MFRP: variants seen among roughly 807,000 people sequenced by gnomAD.
The protein encoded by MFRP is C1q and TNF related 5.
Under a neutral mutation model 65.8 loss-of-function variants are expected in MFRP, and 74 were observed. The observed-to-expected ratio is 1.12, with a 90% CI of 0.93 to 1.36. The LOEUF (loss-of-function observed/expected upper bound fraction) is 1.36, where lower values mean the gene tolerates loss of function less well. Ranked by LOEUF, MFRP falls within the 40% of genes most tolerant of loss-of-function variation. MFRP has a pLI of 0.00. For missense variants in MFRP, 838 were observed against 736.0 expected, an observed-to-expected ratio of 1.14 and a Z score of -1.60; for synonymous variants, 336 against 288.3, an observed-to-expected ratio of 1.17 and a Z score of -1.68.
intron 4 of MFRP, 69 bp from the exon 5 acceptor site, chr11:119,345,702 C>T: frequency 6.2e-7 from 1 of 1,612,430 alleles, no homozygotes; most frequent in South Asian, 1.1e-5. Flanking sequence ...GGTGCCTCTT[C>T]CTCACCCTCC....
rs1230442704 is a variant in MFRP at position 119,346,455 on chromosome 11, C to T, written c.54+5G>A. 2.5e-6 allele frequency: 4 copies of T among 1,614,012 alleles called. No individual in the cohort carries two copies. The highest frequency in any genetic ancestry group is 1.1e-5 in the South Asian group (1 of 91,084). ...CTTAGGAGCACGATTCTATGTGGTCCTTACCTTGCTCGATTCTGTTGCCTC... is the reference window on the plus strand; with the variant it reads ...CTTAGGAGCACGATTCTATGTGGTCTTTACCTTGCTCGATTCTGTTGCCTC... On this transcript the variant is annotated splice_donor_5th_base_variant and intron_variant, in intron 1 of 14. Coordinates refer to ENST00000619721, the MANE Select transcript of MFRP (RefSeq NM_031433.4).
At chr11:119,340,489 C>A (rs1950491638) in intron 13 of MFRP, 49 bp from the exon 14 acceptor site, 3 of 1,353,058 alleles carry the variant, frequency 2.2e-6, no homozygotes, top group African/African-American at 1.5e-5. Context: ...CTGGGACCTG[C>A]CTCTCTCCCC....
chr11:119,342,475 G>C, intron 11 of MFRP, 121 bp downstream of exon 11: 1 of 1,334,158 alleles, frequency 7.5e-7, no homozygotes, highest in Non-Finnish European at 1.0e-6. Context: ...AGTCAGGATG[G>C]TGAGGCCAGC....
At position 119,340,374 on chromosome 11, in the gene MFRP, C is replaced by T; in HGVS notation, c.*920G>A. On this transcript the variant is annotated 3_prime_UTR_variant, in exon 14 of 15. Transcript: ENST00000619721. ...GCGAGCCGGCCGCCAGGCCCAGGAG[C>T]AGCAGGACGAGGAGTGGCCTCATAG... is the stretch of plus-strand genomic sequence containing the variant. The T allele has an allele frequency of 1.3e-6, 2 of 1,545,048 alleles. No homozygotes were observed. The highest frequency in any genetic ancestry group is 1.7e-6 in the Non-Finnish European group (2 of 1,145,918).
rs898705424 is a variant in MFRP at position 119,344,042 on chromosome 11, C to T, written c.976-78G>A. 7 of 1,583,102 alleles carry T rather than the reference C, an allele frequency of 4.4e-6. No homozygotes were observed. In the Admixed American group the frequency reaches 6.7e-5, roughly 15 times the overall value. On this transcript the variant is annotated intron_variant, in intron 8 of 14. Transcript: ENST00000619721. ...CGGGCACCCAGAAGGGTCTTCTTCC[C>T]CCACTGCTGGCTGGGGGGATGGGGT...
chr11:119,340,429 T>A lies in MFRP; in HGVS notation c.*865A>T, dbSNP rs752870533. The A allele has an allele frequency of 1.6e-5, 25 of 1,536,104 alleles. No individual in the cohort carries two copies. The East Asian group carries it at 5.2e-4, about 32-fold the overall frequency. On this transcript the variant is annotated 3_prime_UTR_variant, in exon 14 of 15. Transcript: ENST00000619721. ...GGCACCGGGAGCCCGGACGCCGGGG[T>A]CCTCTCGCAGTCTGTGGACCAGGCA...
Position 119,341,277 on chromosome 11 carries a change from G to T in MFRP, c.*271C>A. Reference sequence around the variant, plus strand: ...AGAAGCTGAAAAAGCAGATGGAAAGGGGAAGAGGCCTGGATGGGAAGTGGT... The same window carrying T: ...AGAAGCTGAAAAAGCAGATGGAAAGTGGAAGAGGCCTGGATGGGAAGTGGT... On this transcript the variant is annotated 3_prime_UTR_variant, in exon 13 of 15. Coordinates refer to ENST00000619721, the MANE Select transcript of MFRP (RefSeq NM_031433.4). 1 of 520,916 alleles carries T rather than the reference G, an allele frequency of 1.9e-6. No individual in the cohort carries two copies. The highest frequency in any genetic ancestry group is 2.5e-5 in the South Asian group (1 of 39,534). 32.3% of individuals were successfully genotyped at this position (520,916 alleles called of 1,614,324 possible).
At chr11:119,344,438 C>G in intron 7 of MFRP, 47 bp from the exon 8 acceptor site, 1 of 1,586,900 alleles carries the variant, frequency 6.3e-7, no homozygotes, top group Non-Finnish European at 8.6e-7. Context: ...ATCTGTGCCT[C>G]CATCCAATAG....
At position 119,343,981 on chromosome 11, in the gene MFRP, G is replaced by C; in HGVS notation, c.976-17C>G. The C allele has an allele frequency of 6.2e-7, 1 of 1,610,978 alleles. No homozygotes were observed. The highest frequency in any genetic ancestry group is 8.5e-7 in the Non-Finnish European group (1 of 1,179,914). On this transcript the variant is annotated splice_polypyrimidine_tract_variant and intron_variant, in intron 8 of 14. Coordinates refer to ENST00000619721, the MANE Select transcript of MFRP (RefSeq NM_031433.4). ...GGTGCAGAGCTGGGGGAGGGCATAG[G>C]TGGAGCAATTCATGGCCCCTTCTCC...
In MFRP at chr11:119,342,617, C is replaced by G. The variant is rs369531002; in HGVS notation, c.1366G>C (p.Gly456Arg). The G allele has an allele frequency of 1.2e-6, 2 of 1,613,286 alleles. No homozygotes were observed. Among genetic ancestry groups the G allele is most frequent in the African/African-American group, 2.7e-5 (2 of 74,870 alleles). Residue 456 changes from glycine to arginine, a missense_variant, in exon 11 of 15, where the codon GGC (glycine) becomes CGC (arginine). Physicochemically the swap from Gly to Arg is moderately radical, Grantham distance 125. Coordinates refer to ENST00000619721, the MANE Select transcript of MFRP (RefSeq NM_031433.4). ...TCACCTGGGGGTGGGAACAAGGGGC[C>G]GCTGCAGTTGTCATCGCTGCCATCG... The part of the protein sequence containing the change: ...CTDGSDDNCS[G>R]PLFPPPELAC...
At position 119,341,377 on chromosome 11, in the gene MFRP, G is replaced by GATCTC; in HGVS notation, c.*170_*171insGAGAT. The GATCTC allele has an allele frequency of 1.1e-5, 7 of 617,334 alleles. No individual in the cohort carries two copies. Among genetic ancestry groups the GATCTC allele is most frequent in the South Asian group, 5.9e-5 (3 of 50,982 alleles). 38.2% of individuals were successfully genotyped at this position (617,334 alleles called of 1,614,324 possible). A position where few individuals can be genotyped will look rare whatever the true frequency, so the allele number is the denominator to read the frequency against. On this transcript the variant is annotated 3_prime_UTR_variant, in exon 13 of 15. Transcript: ENST00000619721. ...GTAAAGGGACAGGAAGGAGCAGGGAGGGTGGTAGGGTCCCATGAGCCCCAG... is the reference window on the plus strand; with the variant it reads ...GTAAAGGGACAGGAAGGAGCAGGGAGATCTCGGTGGTAGGGTCCCATGAGCCCCAG...
rs562519861 is a variant in MFRP at position 119,341,488 on chromosome 11, G to A, written c.*60C>T. 36 of 1,410,740 alleles carry A rather than the reference G, an allele frequency of 2.6e-5. No homozygotes were observed. The East Asian group carries it at 2.7e-4, about 11-fold the overall frequency. The allele number at this position is 1,410,740 out of a possible 1,614,324, so 87.4% of individuals were successfully genotyped here. On this transcript the variant is annotated 3_prime_UTR_variant, in exon 13 of 15. Coordinates refer to ENST00000619721, the MANE Select transcript of MFRP (RefSeq NM_031433.4). Reference sequence around the variant, plus strand: ...GATGCTCCTTCCTTTGTTCCCCTGCGTGCCAGCCCTGACCGGCAAAAGAGG... The same window carrying A: ...GATGCTCCTTCCTTTGTTCCCCTGCATGCCAGCCCTGACCGGCAAAAGAGG...
rs1950471151 is a variant in MFRP at position 119,339,282 on chromosome 11, C to T, written c.*1677G>A. ...TCCTGGATGACCTGGTTGTCAGCCTCACACCCTCCTTCTAGGAGTGAGAGC... is the reference window on the plus strand; with the variant it reads ...TCCTGGATGACCTGGTTGTCAGCCTTACACCCTCCTTCTAGGAGTGAGAGC... On this transcript the variant is annotated 3_prime_UTR_variant, in exon 15 of 15. Coordinates refer to ENST00000619721, the MANE Select transcript of MFRP (RefSeq NM_031433.4). The surrounding 1 kb of genome is among the most constrained non-coding windows in gnomAD (Gnocchi z 5.4). 1 of 1,585,726 alleles carries T rather than the reference C, an allele frequency of 6.3e-7. No individual in the cohort carries two copies. Among genetic ancestry groups the T allele is most frequent in the Non-Finnish European group, 8.6e-7 (1 of 1,164,012 alleles).
Position 119,341,914 on chromosome 11 carries a change from G to T in MFRP, c.1458C>A (p.Asn486Lys). 1 of 1,614,016 alleles carries T rather than the reference G, an allele frequency of 6.2e-7. No individual in the cohort carries two copies. Among genetic ancestry groups the T allele is most frequent in the Non-Finnish European group, 8.5e-7 (1 of 1,180,004 alleles). The change falls in exon 12 of 15, where the codon AAC becomes AAA. Residue 486 changes from asparagine to lysine, a missense_variant. Physicochemically the swap from Asn to Lys is moderately conservative, Grantham distance 94. Transcript: ENST00000619721. ...CCTGGGTGATCATGCCCACCCAGAT[G>T]TTAGGGAAGGCTGTGGTGTTGTAGC... ...GLSYNTTAFP[N>K]IWVGMITQEE...
Position 119,339,979 on chromosome 11 carries a change from A to G in MFRP, c.*1111-131T>C. On this transcript the variant is annotated intron_variant, in intron 14 of 14. Transcript: ENST00000619721. This position sits in a 1 kb window ranked among gnomAD's most constrained non-coding sequence, Gnocchi z 5.4. ...GGCCAGCGCCTCCTCCCGCACGGGT[A>G]CCTCCTCCACCCCTTCCCGCAGGGC... 7.7e-7 allele frequency: 1 copy of G among 1,307,130 alleles called. No homozygotes were observed. The highest frequency in any genetic ancestry group is 1.0e-6 in the Non-Finnish European group (1 of 996,274). The allele number at this position is 1,307,130 out of a possible 1,614,324, so 81.0% of individuals were successfully genotyped here. A position where few individuals can be genotyped will look rare whatever the true frequency, so the allele number is the denominator to read the frequency against.
At position 119,340,164 on chromosome 11, in the gene MFRP, C is replaced by G. The variant is rs536409530; in HGVS notation, c.*1110+20G>C. On this transcript the variant is annotated intron_variant, in intron 14 of 14. Coordinates refer to ENST00000619721, the MANE Select transcript of MFRP (RefSeq NM_031433.4). ...CCTGCTCGGACATCGCCACCGATAGCCGCGGCGGTGCCTTCTTACCCGGCC... is the reference window on the plus strand; with the variant it reads ...CCTGCTCGGACATCGCCACCGATAGGCGCGGCGGTGCCTTCTTACCCGGCC... The G allele has an allele frequency of 2.0e-6, 3 of 1,508,818 alleles. No individual in the cohort carries two copies. The South Asian group carries it at 3.8e-5, about 19-fold the overall frequency. The allele number at this position is 1,508,818 out of a possible 1,614,324, so 93.5% of individuals were successfully genotyped here. A position where few individuals can be genotyped will look rare whatever the true frequency, so the allele number is the denominator to read the frequency against.
Position 119,346,061 on chromosome 11 carries a change from C to T in MFRP, c.256G>A (p.Ala86Thr). ...LLLLLLGLLV[A>T]IILAQLQAAP... ...GGGTACTTACGGGCCAGGATGATGG[C>T]CACCAGCAGCCCAAGCAGCAGGAGG... The change falls in exon 3 of 15, where the codon GCC becomes ACC. Residue 86 changes from alanine to threonine, a missense_variant. Transcript: ENST00000619721. 1 of 1,610,292 alleles carries T rather than the reference C, an allele frequency of 6.2e-7. No homozygotes were observed. The highest frequency in any genetic ancestry group is 8.5e-7 in the Non-Finnish European group (1 of 1,178,372).
intron 8 of MFRP, 90 bp from the exon 9 acceptor site, chr11:119,344,054 T>TGG: frequency 6.6e-7 from 1 of 1,506,624 alleles, no homozygotes; most frequent in Non-Finnish European, 9.1e-7. Flanking sequence ...CACTGCTGGC[T>TGG]GGGGGGATGG....
At chr11:119,342,546 G>A in intron 11 of MFRP, 50 bp downstream of exon 11, 1 of 1,607,824 alleles carries the variant, frequency 6.2e-7, no homozygotes, top group Non-Finnish European at 8.5e-7. Flanking sequence ...GTAGGGTTCT[G>A]TGAGGTGGGC....
Sources: allele counts gnomAD v4.1 joint callset, GRCh38; gene constraint gnomAD v4.1.1; non-coding constraint Gnocchi (gnomAD v3.1); transcripts MANE v1.5; gene names NCBI Gene and HGNC (gene_info 2026-07-23, HGNC 2026-07-21).